The following GALNT17 variants were observed in gnomAD, a reference collection of about 807,000 sequenced individuals.
GALNT17 encodes the protein polypeptide N-acetylgalactosaminyltransferase 17.
In GALNT17, 29 loss-of-function variants were observed where a neutral mutation model predicts 63.7. The ratio of observed to expected loss-of-function variants is 0.46; its 90% CI spans 0.34 to 0.62. The LOEUF (loss-of-function observed/expected upper bound fraction) is 0.62, where lower values mean the gene tolerates loss of function less well. Among genes scored for constraint, GALNT17 ranks in the 20% least tolerant of loss-of-function variants. The probability of loss-of-function intolerance (pLI) is 0.01; values close to 1 mark genes in which losing one functional copy is unlikely to be tolerated. For missense variants in GALNT17, 603 were observed against 799.6 expected (o/e 0.75, Z 2.97); for synonymous variants, 305 against 318.3 (o/e 0.96, Z 0.45).
chr7:71,679,452 T>G (rs1791203429), intron 9 of GALNT17, among the ~76,000 whole-genome samples: 1 of 152,196 alleles, frequency 6.6e-6, no homozygotes, highest in South Asian at 2.1e-4. Context: ...AACTAATATG[T>G]CTTGATTACC....
intron 2 of GALNT17, among the ~76,000 whole-genome samples, chr7:71,352,608 G>A (rs1318134867): frequency 6.6e-6 from 1 of 152,128 alleles, no homozygotes; most frequent in East Asian, 1.9e-4. Context: ...TATGAATCTG[G>A]AGCTTGAGAG....
At chr7:71,504,833 T>A (rs1270306091) in intron 5 of GALNT17, among the ~76,000 whole-genome samples, 1 of 152,134 alleles carries the variant, frequency 6.6e-6, no homozygotes, top group Non-Finnish European at 1.5e-5. Context: ...CTCTCAATGC[T>A]ACGTCCTGAA....
intron 9 of GALNT17, among the ~76,000 whole-genome samples, chr7:71,694,334 T>C (rs1791507660): frequency 6.6e-6 from 1 of 150,412 alleles, no homozygotes; most frequent in Non-Finnish European, 1.5e-5. Context: ...ATAAATGCAC[T>C]ATGATGTAAT....
intron 6 of GALNT17, among the ~76,000 whole-genome samples, chr7:71,656,205 AT>A (rs1487536195): frequency 1.3e-5 from 2 of 151,854 alleles, no homozygotes; most frequent in African/African-American, 2.4e-5. Flanking sequence ...GGAGAAAGTA[AT>A]TTTTTTTGCA....
intron 9 of GALNT17, among the ~76,000 whole-genome samples, chr7:71,699,030 G>A (rs1424450234): frequency 6.6e-6 from 1 of 151,760 alleles, no homozygotes; most frequent in East Asian, 1.9e-4. Context: ...AAATTAGCTG[G>A]GCATGGCAGC....
intron 5 of GALNT17, among the ~76,000 whole-genome samples, chr7:71,511,423 C>A (rs972262528): frequency 7.9e-5 from 12 of 152,104 alleles, no homozygotes; most frequent in African/African-American, 2.4e-4. Context: ...ATTGCAACAG[C>A]AATGGGAAGC....
At chr7:71,477,772 T>C (rs1388996854) in intron 5 of GALNT17, among the ~76,000 whole-genome samples, 1 of 152,210 alleles carries the variant, frequency 6.6e-6, no homozygotes, top group Non-Finnish European at 1.5e-5. Flanking sequence ...ATGTGGTCAC[T>C]AATAGTACCG....
chr7:71,383,082 G>A (rs1792876125), intron 2 of GALNT17, among the ~76,000 whole-genome samples: 1 of 152,100 alleles, frequency 6.6e-6, no homozygotes, highest in African/African-American at 2.4e-5. Context: ...GGTAACTCCT[G>A]TAAGTAGAAT....
At chr7:71,497,039 C>G (rs1333678477) in intron 5 of GALNT17, among the ~76,000 whole-genome samples, 1 of 152,142 alleles carries the variant, frequency 6.6e-6, no homozygotes, top group Non-Finnish European at 1.5e-5. Flanking sequence ...GATCAAGCCA[C>G]TGGTGACACA....
chr7:71,616,286 T>A, intron 6 of GALNT17, among the ~76,000 whole-genome samples: 1 of 151,700 alleles, frequency 6.6e-6, no homozygotes, highest in South Asian at 2.1e-4. Context: ...CCAGATTCTT[T>A]CCCCCCCGTC....
chr7:71,198,413 T>C (rs1202648), intron 1 of GALNT17, among the ~76,000 whole-genome samples: 77,258 of 151,946 alleles, frequency 0.51, 23,497 homozygotes, highest in African/African-American at 0.86. Flanking sequence ...TTCCTTCATT[T>C]ATTGAGTTAT....
intron 4 of GALNT17, among the ~76,000 whole-genome samples, chr7:71,417,234 T>G (rs1786552157): frequency 6.6e-6 from 1 of 152,198 alleles, no homozygotes; most frequent in Non-Finnish European, 1.5e-5. Flanking sequence ...ATGTCTGTTC[T>G]TCTTCATTTG....
intron 5 of GALNT17, among the ~76,000 whole-genome samples, chr7:71,492,116 C>T (rs2116676129): frequency 6.6e-6 from 1 of 152,212 alleles, no homozygotes; most frequent in East Asian, 1.9e-4. Flanking sequence ...CCCGTCTCTA[C>T]TAAAAATACA....
chr7:71,142,044 G>GTGTA (rs1787906383), intron 1 of GALNT17, among the ~76,000 whole-genome samples: 1 of 146,698 alleles, frequency 6.8e-6, no homozygotes, highest in Non-Finnish European at 1.5e-5. Context: ...GTGTGTGTGT[G>GTGTA]TGTTTAGTAG....
chr7:71,514,692 C>T (rs1387795510), intron 5 of GALNT17, among the ~76,000 whole-genome samples: 5 of 152,184 alleles, frequency 3.3e-5, no homozygotes, highest in Admixed American at 6.5e-5. Flanking sequence ...GACTCTGTCT[C>T]TAATGGCTTC....
intron 1 of GALNT17, among the ~76,000 whole-genome samples, chr7:71,177,128 C>T (rs772373436): frequency 3.9e-5 from 6 of 152,038 alleles, no homozygotes; most frequent in Non-Finnish European, 8.8e-5. Context: ...AGGGGCCTGT[C>T]GGAGAGCGGG....
chr7:71,191,195 G>C (rs1788946174), intron 1 of GALNT17, among the ~76,000 whole-genome samples: 2 of 152,084 alleles, frequency 1.3e-5, no homozygotes, highest in African/African-American at 4.8e-5. Flanking sequence ...AAATTCTCTT[G>C]TATCGCTTCC....
intron 1 of GALNT17, among the ~76,000 whole-genome samples, chr7:71,153,433 C>G (rs1436561973): frequency 6.6e-6 from 1 of 152,126 alleles, no homozygotes; most frequent in Non-Finnish European, 1.5e-5. Context: ...CCTGTAAAAT[C>G]TAGACAAGAT....
chr7:71,578,047 T>G (rs930641887), intron 6 of GALNT17, among the ~76,000 whole-genome samples: 2 of 135,270 alleles, frequency 1.5e-5, no homozygotes, highest in Non-Finnish European at 1.6e-5. Flanking sequence ...ATTTATTTAT[T>G]TATTTTGAGA....
Sources: gnomAD v4.1 joint callset for allele counts (sites outside exome capture counted in the v4.1 genomes callset) on GRCh38, gnomAD v4.1.1 for gene constraint, MANE v1.5 for transcripts, NCBI Gene and HGNC (gene_info 2026-07-23, HGNC 2026-07-21) for gene names.